ASIC5: variants seen among roughly 807,000 people sequenced by gnomAD.
ASIC5 encodes the protein bile acid-sensitive ion channel.
In ASIC5, 52 loss-of-function variants were observed where a neutral mutation model predicts 51.2. The observed-to-expected ratio is 1.02, with a 90% CI of 0.81 to 1.28. The LOEUF is 1.28. Ranked by LOEUF, ASIC5 falls within the 50% of genes most tolerant of loss-of-function variation. The pLI, the probability that ASIC5 is intolerant of heterozygous loss-of-function variation, is 0.00. For missense variants in ASIC5, 635 were observed against 595.0 expected (o/e 1.07, Z -0.70); for synonymous variants, 231 against 200.7 (o/e 1.15, Z -1.28).
chr4:155,855,713 T>A (rs1425542416), intron 2 of ASIC5, among the ~76,000 whole-genome samples: 1 of 149,048 alleles, frequency 6.7e-6, no homozygotes, highest in Non-Finnish European at 1.5e-5. Context: ...TATAAATATA[T>A]ATCTATATGT....
chr4:155,831,994 C>G, intron 8 of ASIC5, 79 bp from the exon 9 acceptor site: 1 of 746,782 alleles, frequency 1.3e-6, no homozygotes, highest in Non-Finnish European at 2.2e-6. Flanking sequence ...AGGTAATATT[C>G]ATTTTTGTTT....
chr4:155,845,767 C>G (rs28882376), intron 4 of ASIC5, among the ~76,000 whole-genome samples: 10,921 of 152,032 alleles, frequency 0.072, 1,022 homozygotes, highest in African/African-American at 0.22. Flanking sequence ...GCATCTCCCT[C>G]TAGCACCAAC....
At chr4:155,862,529 C>T (rs1741736405) in intron 2 of ASIC5, among the ~76,000 whole-genome samples, 1 of 152,062 alleles carries the variant, frequency 6.6e-6, no homozygotes, top group Non-Finnish European at 1.5e-5. Flanking sequence ...TATGGTATTT[C>T]ATGCTTCACC....
At chr4:155,861,764 G>T (rs895961678) in intron 2 of ASIC5, among the ~76,000 whole-genome samples, 3 of 151,840 alleles carry the variant, frequency 2.0e-5, no homozygotes, top group Non-Finnish European at 4.4e-5. Flanking sequence ...TTGGCTTGTG[G>T]CAAAACCTTA....
intron 7 of ASIC5, among the ~76,000 whole-genome samples, chr4:155,838,169 G>C (rs1027330591): frequency 2.0e-5 from 3 of 152,120 alleles, no homozygotes; most frequent in African/African-American, 7.2e-5. Flanking sequence ...GCATAGAAGG[G>C]TATATATTGG....
chr4:155,866,113 A>C (rs1054086529), intron 1 of ASIC5, 74 bp downstream of exon 1: 2 of 924,274 alleles, frequency 2.2e-6, no homozygotes, highest in South Asian at 1.8e-5. Flanking sequence ...GAAGAAAAAA[A>C]ATCTCTCTTT....
In ASIC5 at chr4:155,829,855, A is replaced by G. The variant is rs1322952008; in HGVS notation, c.*1T>C. ...GGAAACTATTTTATTCTAAGTGACC[A>G]TTAACACTCCTCTATCCTATTTTTA... On this transcript the variant is annotated 3_prime_UTR_variant, in exon 10 of 10. Transcript: ENST00000537611. 1.9e-6 allele frequency: 3 copies of G among 1,547,846 alleles called. No individual in the cohort carries two copies. Among genetic ancestry groups the G allele is most frequent in the East Asian group, 2.4e-5 (1 of 41,528 alleles).
chr4:155,853,007 A>C (rs1741419378), intron 3 of ASIC5, among the ~76,000 whole-genome samples: 2 of 152,024 alleles, frequency 1.3e-5, no homozygotes, highest in South Asian at 4.1e-4. Context: ...TCTTAAAGAC[A>C]GTCTTGGAGT....
intron 1 of ASIC5, among the ~76,000 whole-genome samples, chr4:155,863,961 T>A (rs1304704053): frequency 6.6e-6 from 1 of 152,204 alleles, no homozygotes. Context: ...ATTGAGAAGA[T>A]GCTAATGCTA....
chr4:155,845,290 A>G (rs1169042920), intron 4 of ASIC5, among the ~76,000 whole-genome samples: 1 of 151,748 alleles, frequency 6.6e-6, no homozygotes, highest in East Asian at 1.9e-4. Context: ...TTAACATCCA[A>G]GATGTGTGTG....
intron 9 of ASIC5, 75 bp downstream of exon 9, chr4:155,831,749 G>T: frequency 2.0e-6 from 2 of 985,344 alleles, no homozygotes; most frequent in Non-Finnish European, 3.1e-6. Context: ...ACTCCAGCCT[G>T]GGCTACAGAG....
At position 155,844,101 on chromosome 4, in the gene ASIC5, T is replaced by C. The variant is rs141954819; in HGVS notation, c.712-271A>G. 2.0e-3 allele frequency among the ~76,000 whole-genome samples: 307 copies of C among 152,166 alleles called. 1 individual carries two copies. Among genetic ancestry groups the C allele is most frequent in the African/African-American group, 7.1e-3 (296 of 41,534 alleles). On this transcript the variant is annotated intron_variant, in intron 4 of 9. Transcript: ENST00000537611. ...TTGAGGCTTGTCTCATCATTTTTCTTGATTGATGTCTGGTAACCACAAAGG... is the reference window on the plus strand; with the variant it reads ...TTGAGGCTTGTCTCATCATTTTTCTCGATTGATGTCTGGTAACCACAAAGG...
chr4:155,865,663 T>A (rs1741843858), intron 1 of ASIC5, among the ~76,000 whole-genome samples: 2 of 121,210 alleles, frequency 1.7e-5, no homozygotes, highest in South Asian at 6.9e-4. Context: ...TACCAACTAT[T>A]TTCTAGTGTT....
chr4:155,840,046 A>G (rs1175650230), intron 6 of ASIC5, among the ~76,000 whole-genome samples: 1 of 152,194 alleles, frequency 6.6e-6, no homozygotes, highest in African/African-American at 2.4e-5. Flanking sequence ...ATCTAACCAA[A>G]TAAGATCATA....
At chr4:155,855,914 C>A (rs2110745127) in intron 2 of ASIC5, among the ~76,000 whole-genome samples, 1 of 152,096 alleles carries the variant, frequency 6.6e-6, no homozygotes, top group South Asian at 2.1e-4. Context: ...CCTCCTCTTG[C>A]TAGGCATTTG....
At chr4:155,863,344 A>T in intron 2 of ASIC5, 104 bp downstream of exon 2, 1 of 898,080 alleles carries the variant, frequency 1.1e-6, no homozygotes, top group Non-Finnish European at 1.7e-6. Context: ...CAGTGGTTTT[A>T]CATATGATAA....
At chr4:155,843,945 A>T (rs1237904242) in intron 4 of ASIC5, 115 bp from the exon 5 acceptor site, 34 of 930,010 alleles carry the variant, frequency 3.7e-5, no homozygotes, top group Non-Finnish European at 2.8e-5. Context: ...TAAATATTTT[A>T]TGTTATATTT....
chr4:155,853,701 A>C (rs1354926430), intron 3 of ASIC5, among the ~76,000 whole-genome samples: 1 of 150,460 alleles, frequency 6.6e-6, no homozygotes, highest in Non-Finnish European at 1.5e-5. Flanking sequence ...ATGCAATACC[A>C]TAAGCATATA....
chr4:155,836,888 A>G lies in ASIC5; in HGVS notation c.1067-31T>C, dbSNP rs201635727. On this transcript the variant is annotated intron_variant, in intron 7 of 9. Coordinates refer to ENST00000537611, the MANE Select transcript of ASIC5 (RefSeq NM_017419.3). ...ATGAAAATCAGGACAGGGAATTCAGAGAAGAGAAATATTTCATCATGGGTA... is the reference window on the plus strand; with the variant it reads ...ATGAAAATCAGGACAGGGAATTCAGGGAAGAGAAATATTTCATCATGGGTA... The G allele has an allele frequency of 5.1e-5, 76 of 1,497,756 alleles. No homozygotes were observed. The East Asian group carries it at 6.9e-4, about 14-fold the overall frequency. 92.8% of individuals were successfully genotyped at this position (1,497,756 alleles called of 1,614,324 possible).
Sources: gnomAD v4.1 joint callset for allele counts (sites outside exome capture counted in the v4.1 genomes callset) on GRCh38, gnomAD v4.1.1 for gene constraint, MANE v1.5 for transcripts, NCBI Gene and HGNC (gene_info 2026-07-23, HGNC 2026-07-21) for gene names.